Variants in ZNF516 observed in about 807,000 individuals in gnomAD.
The protein encoded by ZNF516 is zinc finger protein 516.
A neutral mutation model predicts 79.7 loss-of-function variants in ZNF516; 19 were observed. That is an observed-to-expected ratio of 0.24 (90% CI 0.17 to 0.35). The LOEUF is 0.35. ZNF516 is among the 10% of genes least tolerant of loss of function. The probability of loss-of-function intolerance (pLI) is 1.00; values close to 1 mark genes in which losing one functional copy is unlikely to be tolerated. For missense variants in ZNF516, 1,678 were observed against 1,679.5 expected, an observed-to-expected ratio of 1.00 and a Z score of 0.02; for synonymous variants, 877 against 739.5, an observed-to-expected ratio of 1.19 and a Z score of -3.02.
At chr18:76,473,617 C>A (rs753163397) in intron 1 of ZNF516, among the ~76,000 whole-genome samples, 1 of 151,844 alleles carries the variant, frequency 6.6e-6, no homozygotes, top group Non-Finnish European at 1.5e-5. Flanking sequence ...CTAGCTAACA[C>A]GGTGAAACCC....
intron 3 of ZNF516, among the ~76,000 whole-genome samples, chr18:76,438,534 T>A (rs1195053719): frequency 6.6e-6 from 1 of 152,204 alleles, no homozygotes; most frequent in Non-Finnish European, 1.5e-5. Context: ...AATGACTGAC[T>A]TTTTTTCCAT....
chr18:76,489,392 A>T (rs1243637208), intron 1 of ZNF516, among the ~76,000 whole-genome samples: 1 of 152,146 alleles, frequency 6.6e-6, no homozygotes, highest in Non-Finnish European at 1.5e-5. Flanking sequence ...TTTTTCACAT[A>T]CGTTGCTAAA....
At chr18:76,434,578 G>A (rs922304872) in intron 3 of ZNF516, among the ~76,000 whole-genome samples, 1 of 152,160 alleles carries the variant, frequency 6.6e-6, no homozygotes, top group South Asian at 2.1e-4. Context: ...AAGGAAACTC[G>A]GCACACCCCA....
At chr18:76,452,039 A>C (rs900360586) in intron 2 of ZNF516, among the ~76,000 whole-genome samples, 4 of 152,188 alleles carry the variant, frequency 2.6e-5, no homozygotes, top group African/African-American at 9.7e-5. Context: ...ATTATGAACC[A>C]GCTACATTTC....
At chr18:76,398,528 G>A (rs537309106) in intron 3 of ZNF516, among the ~76,000 whole-genome samples, 18 of 152,260 alleles carry the variant, frequency 1.2e-4, no homozygotes, top group Admixed American at 7.2e-4. Flanking sequence ...TGCTGACGCC[G>A]CTGGTAGATG....
chr18:76,478,103 A>C (rs1258312567), intron 1 of ZNF516, among the ~76,000 whole-genome samples: 3 of 152,218 alleles, frequency 2.0e-5, no homozygotes, highest in Non-Finnish European at 4.4e-5. Context: ...GGAGAGCAGA[A>C]AGTGTACTAA....
At chr18:76,369,820 G>A (rs2074673518) in intron 6 of ZNF516, among the ~76,000 whole-genome samples, 1 of 152,194 alleles carries the variant, frequency 6.6e-6, no homozygotes, top group Admixed American at 6.5e-5. Context: ...TGCAACACAG[G>A]TGTGACGTCC....
chr18:76,397,305 T>G (rs975208451), intron 3 of ZNF516, among the ~76,000 whole-genome samples: 2 of 152,064 alleles, frequency 1.3e-5, no homozygotes, highest in African/African-American at 4.8e-5. Context: ...GCCAGAAAAG[T>G]TTCTTCTAAA....
Position 76,443,046 on chromosome 18 carries a change from G to T in ZNF516, c.9C>A (p.Arg3=). MD[R]NREAEMELRR... Reference sequence around the variant, plus strand: ...TCAGCTCCATCTCGGCCTCTCTGTTGCGATCCATCCGAAGGACGGGCGCGG... The same window carrying T: ...TCAGCTCCATCTCGGCCTCTCTGTTTCGATCCATCCGAAGGACGGGCGCGG... The change falls in exon 3 of 7, where the codon CGC becomes CGA. Residue 3 remains arginine (R), a synonymous_variant. Transcript: ENST00000443185. 6.3e-7 allele frequency: 1 copy of T among 1,589,778 alleles called. No homozygotes were observed. The highest frequency in any genetic ancestry group is 1.3e-5 in the African/African-American group (1 of 74,706).
intron 3 of ZNF516, among the ~76,000 whole-genome samples, chr18:76,414,916 C>T (rs2075413948): frequency 6.6e-6 from 1 of 152,232 alleles, no homozygotes; most frequent in Admixed American, 6.5e-5. Context: ...TAGTAGTTTA[C>T]ACTGGATGCG....
chr18:76,389,004 C>G (rs1355513050), intron 3 of ZNF516: 1 of 152,366 alleles, frequency 6.6e-6, no homozygotes, highest in Non-Finnish European at 1.5e-5. Flanking sequence ...AGAACAGGCC[C>G]GGGGGAGGCT....
chr18:76,480,041 C>T (rs1054115649), intron 1 of ZNF516, among the ~76,000 whole-genome samples: 9 of 151,538 alleles, frequency 5.9e-5, no homozygotes, highest in Middle Eastern at 6.8e-3. Flanking sequence ...CACCAGGCGG[C>T]GGTTTGTGGC....
At chr18:76,419,221 G>A (rs1328344297) in intron 3 of ZNF516, among the ~76,000 whole-genome samples, 2 of 152,184 alleles carry the variant, frequency 1.3e-5, no homozygotes, top group Non-Finnish European at 2.9e-5. Flanking sequence ...GACAACAAAA[G>A]CTCAAATGTA....
chr18:76,427,636 C>T (rs910766366), intron 3 of ZNF516, among the ~76,000 whole-genome samples: 14 of 152,154 alleles, frequency 9.2e-5, no homozygotes, highest in South Asian at 6.2e-4. Flanking sequence ...ACCATAAAGA[C>T]AATTCTGATG....
At chr18:76,476,141 T>G (rs148038792) in intron 1 of ZNF516, among the ~76,000 whole-genome samples, 1 of 152,074 alleles carries the variant, frequency 6.6e-6, no homozygotes, top group Non-Finnish European at 1.5e-5. Context: ...AGGAGAATGT[T>G]GCCCTAAGTA....
chr18:76,495,632 TA>T, upstream of ZNF516: 3 of 816,478 alleles, frequency 3.7e-6, no homozygotes, highest in African/African-American at 1.9e-5. Context: ...CGTCAAGGTC[TA>T]AGGCTGCTGC....
intron 3 of ZNF516, among the ~76,000 whole-genome samples, chr18:76,436,915 C>T (rs1236113948): frequency 1.3e-5 from 2 of 152,020 alleles, no homozygotes; most frequent in Non-Finnish European, 2.9e-5. Context: ...CAAAAAAATA[C>T]GAAAATTAGC....
chr18:76,397,044 A>G (rs925150641), intron 3 of ZNF516, among the ~76,000 whole-genome samples: 3 of 152,244 alleles, frequency 2.0e-5, no homozygotes, highest in African/African-American at 7.2e-5. Context: ...GAGGGACACA[A>G]GGAGCACAGA....
At chr18:76,395,418 T>C (rs1043360830) in intron 3 of ZNF516, among the ~76,000 whole-genome samples, 3 of 152,158 alleles carry the variant, frequency 2.0e-5, no homozygotes, top group African/African-American at 7.2e-5. Flanking sequence ...GTAGGAGTCA[T>C]TTAATATCCA....
Sources: allele counts gnomAD v4.1 joint callset (sites outside exome capture counted in the v4.1 genomes callset), GRCh38; gene constraint gnomAD v4.1.1; transcripts MANE v1.5; gene names NCBI Gene and HGNC (gene_info 2026-07-23, HGNC 2026-07-21).